Variants in ARPP21 observed in about 807,000 individuals in gnomAD.
ARPP21 encodes cAMP-regulated phosphoprotein 21.
Under a neutral mutation model 113.2 loss-of-function variants are expected in ARPP21, and 69 were observed. The observed-to-expected ratio is 0.61, with a 90% confidence interval of 0.50 to 0.74. The LOEUF (loss-of-function observed/expected upper bound fraction) is 0.74, where lower values mean the gene tolerates loss of function less well. Ranked by LOEUF, ARPP21 falls within the 30% of genes least tolerant of loss-of-function variation. The probability of loss-of-function intolerance (pLI) is 0.00; values close to 1 mark genes in which losing one functional copy is unlikely to be tolerated. For synonymous variants in ARPP21, 368 were observed against 375.5 expected (o/e 0.98, Z 0.23); for missense variants, 1,070 against 1,037.4 (o/e 1.03, Z -0.43).
In ARPP21 at chr3:35,793,882, C is replaced by G; in HGVS notation, c.2468C>G (p.Thr823Ser). Reference protein sequence around the residue: ...RLIGPHCPSSTVPVMSASCRT... With the variant: ...RLIGPHCPSSSVPVMSASCRT... ...ATTGGCCCACACTGCCCCTCCAGCA[C>G]TGTCCCAGTGATGTCAGCTAGCTGC... Residue 823 changes from threonine to serine, a missense_variant, in exon 21 of 21, where the codon ACT (threonine) becomes AGT (serine). Thr to Ser is a moderately conservative substitution (Grantham distance 58, BLOSUM62 1). Transcript: ENST00000684406. The G allele has an allele frequency of 1.2e-6, 2 of 1,614,142 alleles. No homozygotes were observed. Among genetic ancestry groups the G allele is most frequent in the Non-Finnish European group, 1.7e-6 (2 of 1,179,968 alleles).
In ARPP21 at chr3:35,646,495, A is replaced by G. The variant is rs189726887; in HGVS notation, c.-213+6097A>G. 3.2e-3 allele frequency among the ~76,000 whole-genome samples: 494 copies of G among 152,238 alleles called. 2 individuals are homozygous for G. Among genetic ancestry groups the G allele is most frequent in the African/African-American group, 0.012 (479 of 41,578 alleles). The stretch of plus-strand genomic sequence containing the variant: ...GTGACAGAATCAAGAATTCTGCAGC[A>G]TTTGCAAGCTTTAACTACTCAATGC... On this transcript the variant is annotated intron_variant, in intron 1 of 20. Transcript: ENST00000684406.
At chr3:35,676,748 T>A (rs2077589655) in intron 1 of ARPP21, among the ~76,000 whole-genome samples, 2 of 151,950 alleles carry the variant, frequency 1.3e-5, no homozygotes, top group South Asian at 4.1e-4. Context: ...ATTCATGGCG[T>A]TGTTGCTCTT....
intron 1 of ARPP21, among the ~76,000 whole-genome samples, chr3:35,677,308 A>G (rs1456561996): frequency 1.3e-5 from 2 of 151,802 alleles, no homozygotes; most frequent in Non-Finnish European, 1.5e-5. Context: ...ACATACACTT[A>G]GGACATATCT....
chr3:35,689,406 C>G lies in ARPP21; in HGVS notation c.485+21C>G, dbSNP rs775794725. 4 of 1,155,674 alleles carry G rather than the reference C, an allele frequency of 3.5e-6. No homozygotes were observed. The African/African-American group carries it at 6.1e-5, about 18-fold the overall frequency. 71.6% of individuals were successfully genotyped at this position (1,155,674 alleles called of 1,614,324 possible). On this transcript the variant is annotated intron_variant, in intron 7 of 20. Transcript: ENST00000684406. ...TCCAGGTAAATTATTAAATGAGCCT[C>G]TTATTTTTAGAAGGATCAAATAGAA...
At chr3:35,644,553 A>G (rs9810285) in intron 1 of ARPP21, among the ~76,000 whole-genome samples, 4,807 of 152,068 alleles carry the variant, frequency 0.032, 221 homozygotes, top group African/African-American at 0.11. Context: ...TGACATGCTC[A>G]TATAACATTT....
chr3:35,779,353 G>A (rs1417793403), intron 19 of ARPP21, among the ~76,000 whole-genome samples: 1 of 152,124 alleles, frequency 6.6e-6, no homozygotes, highest in Non-Finnish European at 1.5e-5. Context: ...AATATTTATT[G>A]CAGTCTAGTC....
chr3:35,725,707 A>G (rs2093477164), intron 14 of ARPP21, among the ~76,000 whole-genome samples: 1 of 151,810 alleles, frequency 6.6e-6, no homozygotes, highest in Non-Finnish European at 1.5e-5. Context: ...ATCTTTTGTC[A>G]TGTTTCCCAT....
intron 1 of ARPP21, among the ~76,000 whole-genome samples, chr3:35,655,577 T>A (rs993295511): frequency 5.3e-5 from 8 of 152,032 alleles, no homozygotes; most frequent in African/African-American, 1.9e-4. Context: ...TTTGATTTCA[T>A]AGCTCTGCCC....
chr3:35,648,888 T>A (rs1701298512), intron 1 of ARPP21, among the ~76,000 whole-genome samples: 1 of 152,190 alleles, frequency 6.6e-6, no homozygotes. Flanking sequence ...GAGAATAAAT[T>A]TATATTTCTT....
chr3:35,748,468 G>A (rs550368885), intron 19 of ARPP21, among the ~76,000 whole-genome samples: 2 of 149,732 alleles, frequency 1.3e-5, no homozygotes, highest in African/African-American at 4.9e-5. Context: ...AAAAGAAAGA[G>A]AGAGAGGGAG....
chr3:35,648,706 C>CA (rs1263027745), intron 1 of ARPP21, among the ~76,000 whole-genome samples: 1 of 152,078 alleles, frequency 6.6e-6, no homozygotes, highest in Non-Finnish European at 1.5e-5. Context: ...GTTCCCCTAT[C>CA]AAAAAATTGA....
Position 35,690,858 on chromosome 3 carries a change from G to T in ARPP21, c.546-7G>T. ...CTGATTCCACTTTTTCTTGAATTAT[G>T]TTCTAGTAATCATTATAAAAAGTTC... is the stretch of plus-strand genomic sequence containing the variant. On this transcript the variant is annotated splice_polypyrimidine_tract_variant and splice_region_variant and intron_variant, in intron 8 of 20. Coordinates refer to ENST00000684406, the MANE Select transcript of ARPP21 (RefSeq NM_001385562.1). The T allele has an allele frequency of 6.3e-7, 1 of 1,598,068 alleles. No homozygotes were observed. The highest frequency in any genetic ancestry group is 1.4e-5 in the African/African-American group (1 of 73,814).
At chr3:35,663,065 C>G (rs1435193708) in intron 1 of ARPP21, among the ~76,000 whole-genome samples, 2 of 151,946 alleles carry the variant, frequency 1.3e-5, no homozygotes, top group Non-Finnish European at 2.9e-5. Flanking sequence ...GATGGACACC[C>G]TAAATACTCT....
chr3:35,753,889 A>G (rs1305161348), intron 19 of ARPP21, among the ~76,000 whole-genome samples: 1 of 151,830 alleles, frequency 6.6e-6, no homozygotes, highest in South Asian at 2.1e-4. Flanking sequence ...TAACCAAAGC[A>G]GTTGAGTAAG....
chr3:35,692,312 T>A (rs1388412439), intron 9 of ARPP21, among the ~76,000 whole-genome samples: 3 of 151,702 alleles, frequency 2.0e-5, no homozygotes, highest in Admixed American at 2.0e-4. Context: ...TGAATAGTAG[T>A]AAAAATTAAA....
chr3:35,655,167 A>G (rs1704238474), intron 1 of ARPP21, among the ~76,000 whole-genome samples: 1 of 151,980 alleles, frequency 6.6e-6, no homozygotes, highest in Non-Finnish European at 1.5e-5. Flanking sequence ...AATAAACTTT[A>G]TTTTACTTTT....
intron 1 of ARPP21, among the ~76,000 whole-genome samples, chr3:35,678,049 C>T (rs879173483): frequency 2.0e-5 from 3 of 151,926 alleles, no homozygotes; most frequent in Non-Finnish European, 2.9e-5. Flanking sequence ...TATTTCAAAA[C>T]GTGTCCTGGT....
chr3:35,663,732 C>T (rs892864567), intron 1 of ARPP21, among the ~76,000 whole-genome samples: 2 of 152,032 alleles, frequency 1.3e-5, no homozygotes, highest in African/African-American at 4.8e-5. Flanking sequence ...GCACGCTCAC[C>T]CCCACAGTCC....
chr3:35,708,614 A>G (rs2090051893), intron 10 of ARPP21, among the ~76,000 whole-genome samples: 1 of 152,218 alleles, frequency 6.6e-6, no homozygotes, highest in Non-Finnish European at 1.5e-5. Flanking sequence ...CCTTCTGAGG[A>G]GTCAGAACCA....
Sources: allele counts gnomAD v4.1 joint callset (sites outside exome capture counted in the v4.1 genomes callset), GRCh38; gene constraint gnomAD v4.1.1; transcripts MANE v1.5; gene names NCBI Gene and HGNC (gene_info 2026-07-23, HGNC 2026-07-21).